TENM4: variants seen among roughly 807,000 people sequenced by gnomAD.
TENM4 encodes teneurin transmembrane protein 4, also known as teneurin-4.
Under a neutral mutation model 243.3 loss-of-function variants are expected in TENM4, and 82 were observed. The observed-to-expected ratio is 0.34, with a 90% CI of 0.28 to 0.40. The LOEUF (loss-of-function observed/expected upper bound fraction) is 0.40. TENM4 is among the 10% of genes least tolerant of loss of function. The pLI, the probability that TENM4 is intolerant of heterozygous loss-of-function variation, is 1.00. For synonymous variants in TENM4, 1,412 were observed against 1,456.3 expected (o/e 0.97, Z 0.69); for missense variants, 3,138 against 3,673.3 (o/e 0.85, Z 3.77).
chr11:79,159,319 T>G (rs1387992678), intron 3 of TENM4, among the ~76,000 whole-genome samples: 1 of 152,236 alleles, frequency 6.6e-6, no homozygotes, highest in Non-Finnish European at 1.5e-5. Context: ...GAATAACAGT[T>G]GGCATGTAGT....
At chr11:78,908,920 T>C (rs890842457) in intron 6 of TENM4, among the ~76,000 whole-genome samples, 7 of 152,178 alleles carry the variant, frequency 4.6e-5, no homozygotes, top group Non-Finnish European at 1.0e-4. Flanking sequence ...ATAAGCCTCA[T>C]CCTTGACAAG....
chr11:79,409,148 G>C (rs928245183), intron 1 of TENM4, among the ~76,000 whole-genome samples: 6 of 149,992 alleles, frequency 4.0e-5, no homozygotes, highest in African/African-American at 1.5e-4. Flanking sequence ...GTGAGAGTTA[G>C]TGGTTTTAGA....
intron 1 of TENM4, among the ~76,000 whole-genome samples, chr11:79,309,466 C>T (rs1354096680): frequency 6.6e-6 from 1 of 152,216 alleles, no homozygotes; most frequent in Non-Finnish European, 1.5e-5. Context: ...CACATTTGTG[C>T]TCCAGCCCTT....
chr11:78,754,122 C>T (rs1856251584), intron 19 of TENM4, among the ~76,000 whole-genome samples: 1 of 152,194 alleles, frequency 6.6e-6, no homozygotes, highest in African/African-American at 2.4e-5. Flanking sequence ...AAGTGTTTCC[C>T]TGGAGGACTT....
At chr11:78,705,699 A>T (rs959481673) in intron 27 of TENM4, among the ~76,000 whole-genome samples, 2 of 152,222 alleles carry the variant, frequency 1.3e-5, no homozygotes, top group African/African-American at 4.8e-5. Flanking sequence ...GGATTGTCAA[A>T]TGAATGAACG....
intron 19 of TENM4, among the ~76,000 whole-genome samples, chr11:78,752,482 C>T (rs752944465): frequency 1.9e-4 from 29 of 152,242 alleles, no homozygotes; most frequent in Non-Finnish European, 3.2e-4. Context: ...AGGAGCTCCA[C>T]TCTGAGGCCT....
chr11:79,022,042 G>A (rs752202951), intron 6 of TENM4, among the ~76,000 whole-genome samples: 1 of 152,140 alleles, frequency 6.6e-6, no homozygotes, highest in Non-Finnish European at 1.5e-5. Context: ...TTGATGGTGA[G>A]ATAACCCATA....
In TENM4 at chr11:78,778,589, A is replaced by C. The variant is rs1158913701; in HGVS notation, c.2392+13T>G. ...ACAAAGACAACAGGAAAATAGAGGAAGGAAGACCATACCTTTAACTACCCT... is the reference window on the plus strand; with the variant it reads ...ACAAAGACAACAGGAAAATAGAGGACGGAAGACCATACCTTTAACTACCCT... On this transcript the variant is annotated intron_variant, in intron 17 of 33. Coordinates refer to ENST00000278550, the MANE Select transcript of TENM4 (RefSeq NM_001098816.3). 1 of 1,611,154 alleles carries C rather than the reference A, an allele frequency of 6.2e-7. No individual in the cohort carries two copies. The highest frequency in any genetic ancestry group is 1.3e-5 in the African/African-American group (1 of 74,902).
chr11:78,788,826 G>T (rs1047894555), intron 15 of TENM4, among the ~76,000 whole-genome samples: 14 of 152,144 alleles, frequency 9.2e-5, no homozygotes, highest in African/African-American at 3.1e-4. Context: ...CTCATCTGTT[G>T]CAGGTGGAAC....
Position 78,836,448 on chromosome 11 carries a change from C to T in TENM4, c.1681+17656G>A, listed in dbSNP as rs552823854. On this transcript the variant is annotated intron_variant, in intron 12 of 33. Coordinates refer to ENST00000278550, the MANE Select transcript of TENM4 (RefSeq NM_001098816.3). ...GTGTCTACTAAGTTGGGACAATAAT[C>T]TTACCATCCTATTCAGTAGGTTGTG... 1.4e-3 allele frequency among the ~76,000 whole-genome samples: 209 copies of T among 152,282 alleles called. 1 individual carries two copies. The highest frequency in any genetic ancestry group is 4.8e-3 in the African/African-American group (199 of 41,544).
At chr11:78,955,502 G>T (rs1486153638) in intron 6 of TENM4, among the ~76,000 whole-genome samples, 1 of 152,208 alleles carries the variant, frequency 6.6e-6, no homozygotes, top group African/African-American at 2.4e-5. Context: ...AGAAAGCCTG[G>T]ACACATAGCT....
intron 12 of TENM4, among the ~76,000 whole-genome samples, chr11:78,843,929 C>A (rs552760583): frequency 3.9e-5 from 6 of 152,198 alleles, no homozygotes; most frequent in Non-Finnish European, 7.3e-5. Context: ...TTCTAGCTTG[C>A]AGGGAAAAAC....
At chr11:79,341,152 C>A (rs1857235186) in intron 1 of TENM4, among the ~76,000 whole-genome samples, 6 of 152,190 alleles carry the variant, frequency 3.9e-5, no homozygotes, top group Admixed American at 3.9e-4. Flanking sequence ...ACCAGCCCTG[C>A]CAACGCCTTT....
At chr11:79,118,196 A>G (rs569005555) in intron 4 of TENM4, among the ~76,000 whole-genome samples, 3 of 152,324 alleles carry the variant, frequency 2.0e-5, no homozygotes, top group Non-Finnish European at 2.9e-5. Context: ...GCAGTCAGAC[A>G]TCATTCTGAG....
At chr11:78,997,601 A>C (rs1360576879) in intron 6 of TENM4, among the ~76,000 whole-genome samples, 6 of 152,214 alleles carry the variant, frequency 3.9e-5, no homozygotes, top group African/African-American at 1.4e-4. Context: ...GGGGAAAAGA[A>C]GAAAGGCCCT....
intron 4 of TENM4, among the ~76,000 whole-genome samples, chr11:79,147,988 C>G (rs1047519655): frequency 6.6e-6 from 1 of 152,068 alleles, no homozygotes; most frequent in African/African-American, 2.4e-5. Flanking sequence ...TCTCTTCCTA[C>G]CTTCCTTGTT....
chr11:78,914,537 T>C (rs943232074), intron 6 of TENM4, among the ~76,000 whole-genome samples: 2 of 152,202 alleles, frequency 1.3e-5, no homozygotes, highest in African/African-American at 4.8e-5. Context: ...GCTAATATAA[T>C]GAGCCTCAAC....
chr11:78,944,133 T>G (rs564877014), intron 6 of TENM4, among the ~76,000 whole-genome samples: 10 of 152,136 alleles, frequency 6.6e-5, no homozygotes, highest in Non-Finnish European at 1.3e-4. Flanking sequence ...TCCAGTGTCA[T>G]CACTAGTGAG....
chr11:79,191,647 T>G (rs1170277042), intron 3 of TENM4: 2 of 154,578 alleles, frequency 1.3e-5, no homozygotes, highest in Non-Finnish European at 2.2e-5. Context: ...GTGAGGACAG[T>G]CTCTGCCCGG....
Sources: gnomAD v4.1 joint callset for allele counts (sites outside exome capture counted in the v4.1 genomes callset) on GRCh38, gnomAD v4.1.1 for gene constraint, MANE v1.5 for transcripts, NCBI Gene and HGNC (gene_info 2026-07-23, HGNC 2026-07-21) for gene names.